The following C2orf42 variants were observed in gnomAD, a reference collection of about 807,000 sequenced individuals.
The protein encoded by C2orf42 is chromosome 2 open reading frame 42.
In C2orf42, 44 loss-of-function variants were observed where a neutral mutation model predicts 58.9. The ratio of observed to expected loss-of-function variants is 0.75; its 90% CI spans 0.59 to 0.96. C2orf42 has a LOEUF of 0.96. Among genes scored for constraint, C2orf42 ranks in the 40% least tolerant of loss-of-function variants. The probability of loss-of-function intolerance (pLI) is 0.00; values close to 1 mark genes in which losing one functional copy is unlikely to be tolerated. For synonymous variants in C2orf42, 239 were observed against 265.4 expected (o/e 0.90, Z 0.97); for missense variants, 630 against 699.2 (o/e 0.90, Z 1.12).
chr2:70,154,666 T>C (rs565894428), intron 9 of C2orf42, among the ~76,000 whole-genome samples: 52 of 152,294 alleles, frequency 3.4e-4, no homozygotes, highest in Admixed American at 3.4e-3. Flanking sequence ...GATATCCATC[T>C]GGAAGAAAAT....
chr2:70,177,999 C>T (rs1674303536), intron 4 of C2orf42, among the ~76,000 whole-genome samples: 1 of 152,088 alleles, frequency 6.6e-6, no homozygotes, highest in South Asian at 2.1e-4. Context: ...ATGATTGTGC[C>T]CCTGCACTCC....
chr2:70,150,558 G>A lies in C2orf42; in HGVS notation c.1523C>T (p.Thr508Ile), dbSNP rs1572955116. 2 of 1,612,156 alleles carry A rather than the reference G, an allele frequency of 1.2e-6. No homozygotes were observed. Among genetic ancestry groups the A allele is most frequent in the East Asian group, 4.5e-5 (2 of 44,878 alleles). ...ELKTFLKVGN[T>I]SPDQKEPTPF... ...TGTTGGCTCCTTTTGATCTGGGGAA[G>A]TGTTGCCTAAAGAGAAGAAAGGAGT... The change falls in exon 10 of 10, where the codon ACT (threonine) becomes ATT (isoleucine). Residue 508 changes from threonine (T) to isoleucine (I), a missense_variant. By Grantham distance (89) the Thr-to-Ile change is moderately conservative. Transcript: ENST00000264434.
chr2:70,158,442 ATTTATTTG>A (rs200469867), intron 9 of C2orf42, among the ~76,000 whole-genome samples: 21,948 of 150,796 alleles, frequency 0.15, 2,554 homozygotes, highest in African/African-American at 0.31. Flanking sequence ...TTATTTATTT[ATTTATTTG>A]TTTGTTTGTT....
At position 70,168,290 on chromosome 2, in the gene C2orf42, C is replaced by CT. The variant is rs374244702; in HGVS notation, c.1144+1266dup. On this transcript the variant is annotated intron_variant, in intron 6 of 9. Transcript: ENST00000264434. Reference sequence around the variant, plus strand: ...TGCCACCATGCCCAGCTATAGGATCCTTTTTTTTTTTTTTTGAGATGGAGT... The same window carrying CT: ...TGCCACCATGCCCAGCTATAGGATCCTTTTTTTTTTTTTTTTGAGATGGAGT... Among the ~76,000 whole-genome samples the CT allele has an allele frequency of 6.6e-3, 872 of 132,052 alleles. 4 individuals carry two copies. The highest frequency in any genetic ancestry group is 0.022 in the Middle Eastern group (6 of 270). 86.6% of individuals were successfully genotyped at this position (132,052 alleles called of 152,430 possible). A position where few individuals can be genotyped will look rare whatever the true frequency, so the allele number is the denominator to read the frequency against.
intron 3 of C2orf42, 106 bp from the exon 4 acceptor site, chr2:70,179,748 G>C: frequency 2.2e-6 from 1 of 465,106 alleles, no homozygotes. Flanking sequence ...TCCCCCAAAC[G>C]AATTATCCCA....
chr2:70,183,598 T>A (rs954756329), intron 1 of C2orf42, among the ~76,000 whole-genome samples: 3 of 151,598 alleles, frequency 2.0e-5, no homozygotes, highest in Non-Finnish European at 4.4e-5. Flanking sequence ...CCCGGCTAAT[T>A]TTTTGTATTT....
chr2:70,189,838 C>CA (rs1314591496), intron 1 of C2orf42, among the ~76,000 whole-genome samples: 1 of 148,518 alleles, frequency 6.7e-6, no homozygotes, highest in Non-Finnish European at 1.5e-5. Context: ...CCAGCCTGGG[C>CA]AACATAGTGA....
At position 70,175,325 on chromosome 2, in the gene C2orf42, C is replaced by T. The variant is rs981239450; in HGVS notation, c.1039+348G>A. Among the ~76,000 whole-genome samples, 4 of 152,312 alleles carry T rather than the reference C, an allele frequency of 2.6e-5. No individual in the cohort carries two copies. In the South Asian group the frequency reaches 8.3e-4, roughly 32 times the overall value. Reference sequence around the variant, plus strand: ...TTTTTCCTGATCCTCTCACCCCCTTCCACCTTTCCTCCCTCCTCCCACGTT... The same window carrying T: ...TTTTTCCTGATCCTCTCACCCCCTTTCACCTTTCCTCCCTCCTCCCACGTT... On this transcript the variant is annotated intron_variant, in intron 5 of 9. Transcript: ENST00000264434.
In C2orf42 at chr2:70,165,553, T is replaced by C; in HGVS notation, c.1227A>G (p.Lys409=). 2 of 1,608,634 alleles carry C rather than the reference T, an allele frequency of 1.2e-6. No homozygotes were observed. The highest frequency in any genetic ancestry group is 1.7e-6 in the Non-Finnish European group (2 of 1,175,000). ...LQQRISIGSA[K]KRLPNSTTAF... is the part of the protein sequence containing the mutation. The stretch of plus-strand genomic sequence containing the variant: ...CTGTGGTGGAGTTGGGGAGCCGTTT[T>C]TTTGCACTTCCTATAGATATTCTTT... Residue 409 remains lysine, a synonymous_variant, in exon 7 of 10, where the codon AAA becomes AAG. Coordinates refer to ENST00000264434, the MANE Select transcript of C2orf42 (RefSeq NM_017880.3).
rs571000892 is a variant in C2orf42, at chr2:70,152,539, A to G, written c.1517-1975T>C. Among the ~76,000 whole-genome samples, 388 of 152,304 alleles carry G rather than the reference A, an allele frequency of 2.5e-3. 1 individual carries two copies. The highest frequency in any genetic ancestry group is 3.9e-3 in the Non-Finnish European group (268 of 68,018). ...CCATAGCATATCCCATCTTTCCTTC[A>G]TAAAGGGAGGCTACATGGAAAAAGG... On this transcript the variant is annotated intron_variant, in intron 9 of 9. Transcript: ENST00000264434.
intron 6 of C2orf42, 74 bp downstream of exon 6, chr2:70,169,476 CCTATCAG>C: frequency 3.0e-6 from 2 of 667,522 alleles, no homozygotes; most frequent in African/African-American, 3.5e-5. Flanking sequence ...AATTACTTTT[CCTATCAG>C]AGGAGAATTA....
intron 9 of C2orf42, 28 bp downstream of exon 9, chr2:70,160,596 AG>A (rs1246717132): frequency 1.9e-6 from 3 of 1,553,176 alleles, no homozygotes; most frequent in Non-Finnish European, 2.6e-6. Flanking sequence ...TGACACTCAA[AG>A]GAAGATGCAG....
Position 70,165,644 on chromosome 2 carries a change from A to C in C2orf42, c.1145-9T>G. 1 of 1,424,868 alleles carries C rather than the reference A, an allele frequency of 7.0e-7. No individual in the cohort carries two copies. Among genetic ancestry groups the C allele is most frequent in the Non-Finnish European group, 9.9e-7 (1 of 1,009,618 alleles). 88.3% of individuals were successfully genotyped at this position (1,424,868 alleles called of 1,614,324 possible). On this transcript the variant is annotated splice_polypyrimidine_tract_variant and intron_variant, in intron 6 of 9. Transcript: ENST00000264434. ...CAATGGTTCTGGTTTGCCTATGGGAAACAAGAAGAAACAACTCATTTAAAG... is the reference window on the plus strand; with the variant it reads ...CAATGGTTCTGGTTTGCCTATGGGACACAAGAAGAAACAACTCATTTAAAG...
At chr2:70,163,718 T>C (rs1673211269) in intron 8 of C2orf42, among the ~76,000 whole-genome samples, 1 of 151,482 alleles carries the variant, frequency 6.6e-6, no homozygotes, top group African/African-American at 2.4e-5. Context: ...GGCATGATGG[T>C]GCGTGCCTAT....
chr2:70,190,022 C>A (rs949622734), intron 1 of C2orf42, among the ~76,000 whole-genome samples: 1 of 151,728 alleles, frequency 6.6e-6, no homozygotes, highest in African/African-American at 2.4e-5. Flanking sequence ...TCAGAAGAAA[C>A]GACATGGGAT....
intron 1 of C2orf42, among the ~76,000 whole-genome samples, chr2:70,188,086 T>C (rs941628774): frequency 2.6e-5 from 4 of 152,206 alleles, no homozygotes; most frequent in Non-Finnish European, 2.9e-5. Context: ...CACATAACTA[T>C]GGGGCATTTG....
intron 6 of C2orf42, among the ~76,000 whole-genome samples, chr2:70,166,503 T>TAAAA (rs758706026): frequency 3.2e-5 from 3 of 93,114 alleles, no homozygotes; most frequent in Admixed American, 1.1e-4. Flanking sequence ...CCATCTCTAC[T>TAAAA]AAAAAAAAAA....
intron 1 of C2orf42, among the ~76,000 whole-genome samples, chr2:70,184,261 C>T (rs1207642373): frequency 6.6e-6 from 1 of 152,030 alleles, no homozygotes; most frequent in Admixed American, 6.6e-5. Context: ...CAGTCTTGCT[C>T]TGTCACCCAG....
Position 70,160,608 on chromosome 2 carries a change from T to A in C2orf42, c.1516+17A>T. The A allele has an allele frequency of 6.3e-7, 1 of 1,592,060 alleles. No homozygotes were observed. The highest frequency in any genetic ancestry group is 1.1e-5 in the South Asian group (1 of 88,708). ...AGCTGACACTCAAAGGAAGATGCAG[T>A]TTTGAAGTTCACTTACCAACTTTGA... On this transcript the variant is annotated intron_variant, in intron 9 of 9. Transcript: ENST00000264434.
Sources: allele counts gnomAD v4.1 joint callset (sites outside exome capture counted in the v4.1 genomes callset), GRCh38; gene constraint gnomAD v4.1.1; transcripts MANE v1.5; gene names NCBI Gene and HGNC (gene_info 2026-07-23, HGNC 2026-07-21).